UBAP2L: variants seen among roughly 807,000 people sequenced by gnomAD.
The protein encoded by UBAP2L is ubiquitin associated protein 2 like.
Under a neutral mutation model 130.6 loss-of-function variants are expected in UBAP2L, and 12 were observed. That is an observed-to-expected ratio of 0.09 (90% CI 0.06 to 0.15). The LOEUF (loss-of-function observed/expected upper bound fraction) is 0.15, where lower values mean the gene tolerates loss of function less well. UBAP2L is among the 10% of genes least tolerant of loss of function. The pLI is 1.00. For missense variants in UBAP2L, 965 were observed against 1,332.5 expected (o/e 0.72, Z 4.29); for synonymous variants, 503 against 524.7 (o/e 0.96, Z 0.57).
At chr1:154,225,696 A>G (rs560269901) in intron 2 of UBAP2L, among the ~76,000 whole-genome samples, 1 of 152,174 alleles carries the variant, frequency 6.6e-6, no homozygotes, top group South Asian at 2.1e-4. Context: ...TCTTGAACTC[A>G]TGGGATTATA....
At position 154,228,720 on chromosome 1, in the gene UBAP2L, G is replaced by A; in HGVS notation, c.274G>A (p.Asp92Asn). The A allele has an allele frequency of 6.2e-7, 1 of 1,610,326 alleles. No individual in the cohort carries two copies. ...AINVLLEGNPDTHSWEMVGKK... is the reference protein window; with the variant it reads ...AINVLLEGNPNTHSWEMVGKK... ...CAATGTTCTTCTGGAAGGAAACCCA[G>A]ACACGGTAGAGTGCTTATAGAGTGT... The change falls in exon 4 of 27, where the codon GAC (aspartate) becomes AAC (asparagine). Residue 92 changes from aspartate (D) to asparagine (N), a missense_variant. Physicochemically the swap from Asp to Asn is conservative, Grantham distance 23. Coordinates refer to ENST00000428931, the MANE Select transcript of UBAP2L (RefSeq NM_014847.4).
rs1684509332 is a variant in UBAP2L at position 154,270,476 on chromosome 1, T to C, written c.*181T>C. ...CCTATACCATCCCCACCCTGTTGTA[T>C]GTATTATAGGATTTGTATTTTCTCC... On this transcript the variant is annotated 3_prime_UTR_variant, in exon 27 of 27. Transcript: ENST00000428931. 2.7e-6 allele frequency: 4 copies of C among 1,500,616 alleles called. No individual in the cohort carries two copies. Among genetic ancestry groups the C allele is most frequent in the South Asian group, 1.3e-5 (1 of 78,422 alleles). The allele number at this position is 1,500,616 out of a possible 1,614,324, so 93.0% of individuals were successfully genotyped here.
At chr1:154,259,893 C>A in intron 21 of UBAP2L, 55 bp from the exon 22 acceptor site, 1 of 1,536,946 alleles carries the variant, frequency 6.5e-7, no homozygotes, top group South Asian at 1.1e-5. Context: ...AAATAGTACT[C>A]ATGCTGGGGA....
At chr1:154,266,680 A>G in intron 25 of UBAP2L, 112 bp downstream of exon 25, 1 of 1,109,786 alleles carries the variant, frequency 9.0e-7, no homozygotes, top group South Asian at 1.3e-5. Flanking sequence ...GTGGCAGGAA[A>G]CCCATCCTAC....
intron 10 of UBAP2L, among the ~76,000 whole-genome samples, chr1:154,245,673 T>TGG (rs1675200773): frequency 6.6e-6 from 1 of 151,978 alleles, no homozygotes; most frequent in African/African-American, 2.4e-5. Context: ...CCCAGCACTT[T>TGG]GGGAGGCCAA....
chr1:154,268,393 A>G (rs1054059321), intron 25 of UBAP2L, among the ~76,000 whole-genome samples: 4 of 151,086 alleles, frequency 2.6e-5, no homozygotes, highest in Admixed American at 6.6e-5. Flanking sequence ...GTTTCACCAT[A>G]TTGGCCAGAC....
At chr1:154,268,471 G>T (rs550794321) in intron 25 of UBAP2L, among the ~76,000 whole-genome samples, 1 of 152,298 alleles carries the variant, frequency 6.6e-6, no homozygotes. Flanking sequence ...GATTACAGAT[G>T]TGAGCCACCA....
chr1:154,239,010 G>C (rs1672610908), intron 8 of UBAP2L, among the ~76,000 whole-genome samples: 1 of 152,046 alleles, frequency 6.6e-6, no homozygotes, highest in Non-Finnish European at 1.5e-5. Flanking sequence ...CAAAGTGCTG[G>C]GATTACAGGT....
intron 4 of UBAP2L, among the ~76,000 whole-genome samples, chr1:154,232,929 C>T (rs1670334440): frequency 6.6e-6 from 1 of 152,118 alleles, no homozygotes; most frequent in Non-Finnish European, 1.5e-5. Flanking sequence ...GATTCCTGGC[C>T]TGAAATGATC....
upstream of UBAP2L, chr1:154,220,487 G>A (rs1220358495): frequency 6.5e-7 from 1 of 1,540,486 alleles, no homozygotes; most frequent in Admixed American, 1.7e-5. Flanking sequence ...CGAAGCGACG[G>A]CGCCTGGGTC....
At position 154,257,149 on chromosome 1, in the gene UBAP2L, A is replaced by G; in HGVS notation, c.2244A>G (p.Pro748=). Residue 748 remains proline, a synonymous_variant, in exon 19 of 27, where the codon CCA becomes CCG. Transcript: ENST00000428931. ...CCAGCACAGTCTCTGCACCTCCCCCAGTGGTCAGTGTCTCCTCCAGTCTCA... is the reference window on the plus strand; with the variant it reads ...CCAGCACAGTCTCTGCACCTCCCCCGGTGGTCAGTGTCTCCTCCAGTCTCA... ...TTSSTVSAPP[P]VVSVSSSLNS... is the part of the protein sequence containing the mutation. 2 of 1,614,006 alleles carry G rather than the reference A, an allele frequency of 1.2e-6. No homozygotes were observed. Among genetic ancestry groups the G allele is most frequent in the Non-Finnish European group, 1.7e-6 (2 of 1,180,000 alleles).
intron 12 of UBAP2L, among the ~76,000 whole-genome samples, chr1:154,250,081 C>T (rs549471588): frequency 6.6e-6 from 1 of 152,210 alleles, no homozygotes; most frequent in South Asian, 2.1e-4. Context: ...TTATGCGAAA[C>T]ATAAGACAAG....
At chr1:154,221,772 C>T (rs1038673731) in intron 1 of UBAP2L, among the ~76,000 whole-genome samples, 2 of 152,212 alleles carry the variant, frequency 1.3e-5, no homozygotes, top group Non-Finnish European at 2.9e-5. Flanking sequence ...GTTTTTGCTG[C>T]TGTCTTTAGC....
In UBAP2L at chr1:154,257,426, G is replaced by A. The variant is rs750491924; in HGVS notation, c.2434G>A (p.Ala812Thr). 2.5e-6 allele frequency: 4 copies of A among 1,612,634 alleles called. No individual in the cohort carries two copies. The highest frequency in any genetic ancestry group is 3.4e-6 in the Non-Finnish European group (4 of 1,180,024). The part of the protein sequence containing the change: ...PYIMAPGLLH[A>T]YPPQVYGYDD... The stretch of plus-strand genomic sequence containing the variant: ...TATTATGGCTCCAGGGCTGTTACAT[G>A]CCTACCCGGTAAGTGGGACTAAAGG... Residue 812 changes from alanine (A) to threonine (T), a missense_variant, in exon 20 of 27, where the codon GCC (alanine) becomes ACC (threonine). Coordinates refer to ENST00000428931, the MANE Select transcript of UBAP2L (RefSeq NM_014847.4).
At chr1:154,250,426 T>C (rs950659426) in intron 12 of UBAP2L, among the ~76,000 whole-genome samples, 1 of 152,134 alleles carries the variant, frequency 6.6e-6, no homozygotes, top group Non-Finnish European at 1.5e-5. Flanking sequence ...ATGCCATGCC[T>C]TGTTTTTGCT....
At chr1:154,271,359 G>T (rs1225190402), downstream of UBAP2L, 5 of 181,748 alleles carry the variant, frequency 2.8e-5, no homozygotes, top group African/African-American at 1.2e-4. Flanking sequence ...CTACATATTG[G>T]GTACAGTGTA....
In UBAP2L at chr1:154,269,099, A is replaced by G. The variant is rs891198472; in HGVS notation, c.3168+145A>G. On this transcript the variant is annotated intron_variant, in intron 26 of 26. Transcript: ENST00000428931. ...CCAGTCATGGGCACACAGCACATAC[A>G]GACACAAGCGCACATAACACGAGCG... 9.5e-6 allele frequency: 10 copies of G among 1,051,974 alleles called. No homozygotes were observed. In the African/African-American group the frequency reaches 1.6e-4, roughly 17 times the overall value. 65.2% of individuals were successfully genotyped at this position (1,051,974 alleles called of 1,614,324 possible).
Position 154,243,463 on chromosome 1 carries a change from T to G in UBAP2L, c.842+161T>G, listed in dbSNP as rs573961832. On this transcript the variant is annotated intron_variant, in intron 10 of 26. Coordinates refer to ENST00000428931, the MANE Select transcript of UBAP2L (RefSeq NM_014847.4). The stretch of plus-strand genomic sequence containing the variant: ...CTCTTAAGTTGATGGAGAGACTTCT[T>G]TTTTTTTTTGTTTTTGAGACAGAGT... Among the ~76,000 whole-genome samples, 4 of 148,966 alleles carry G rather than the reference T, an allele frequency of 2.7e-5. No individual in the cohort carries two copies. The South Asian group carries it at 8.5e-4, about 31-fold the overall frequency.
At chr1:154,268,076 A>G (rs1241566897) in intron 25 of UBAP2L, among the ~76,000 whole-genome samples, 2 of 149,472 alleles carry the variant, frequency 1.3e-5, no homozygotes, top group Admixed American at 6.6e-5. Flanking sequence ...TTTAGTAGAG[A>G]CGGGGTTTCT....
Sources: allele counts gnomAD v4.1 joint callset (sites outside exome capture counted in the v4.1 genomes callset), GRCh38; gene constraint gnomAD v4.1.1; transcripts MANE v1.5; gene names NCBI Gene and HGNC (gene_info 2026-07-23, HGNC 2026-07-21).